The following NECTIN3 variants were observed in gnomAD, a reference collection of about 807,000 sequenced individuals.
The protein encoded by NECTIN3 is nectin-3.
NECTIN3 carries 8 observed loss-of-function variants against 49.4 expected under a neutral mutation model. The ratio of observed to expected loss-of-function variants is 0.16; its 90% CI spans 0.10 to 0.29. NECTIN3 has a LOEUF of 0.29. Among genes scored for constraint, NECTIN3 ranks in the 10% least tolerant of loss-of-function variants. NECTIN3 has a pLI of 1.00. For missense variants in NECTIN3, 581 were observed against 654.6 expected (o/e 0.89, Z 1.23); for synonymous variants, 277 against 241.1 (o/e 1.15, Z -1.38).
At chr3:111,085,915 A>G (rs971226950) in intron 1 of NECTIN3, among the ~76,000 whole-genome samples, 1 of 152,212 alleles carries the variant, frequency 6.6e-6, no homozygotes, top group African/African-American at 2.4e-5. Flanking sequence ...GCTTATAACA[A>G]TTCATACTCC....
exon 6 of NECTIN3, chr3:111,145,011 A>C: frequency 1.3e-6 from 2 of 1,536,522 alleles, no homozygotes; most frequent in South Asian, 2.4e-5. Context: ...CTCCTCGAAA[A>C]AAAAGACCAT....
chr3:111,154,943 A>G (rs2035068189), intron 7 of NECTIN3, among the ~76,000 whole-genome samples: 1 of 152,006 alleles, frequency 6.6e-6, no homozygotes, highest in African/African-American at 2.4e-5. Flanking sequence ...TCTCTTTAAC[A>G]GTGACTTTTT....
chr3:111,166,567 CT>C (rs2035323354), intron 7 of NECTIN3, among the ~76,000 whole-genome samples: 1 of 152,166 alleles, frequency 6.6e-6, no homozygotes, highest in South Asian at 2.1e-4. Context: ...AAATGACTTT[CT>C]TATATTATCC....
rs939840570 is a variant in NECTIN3 at position 111,112,100 on chromosome 3, G to A, written c.231G>A (p.Lys77=). 3 of 1,613,710 alleles carry A rather than the reference G, an allele frequency of 1.9e-6. No homozygotes were observed. Among genetic ancestry groups the A allele is most frequent in the Non-Finnish European group, 2.5e-6 (3 of 1,179,788 alleles). The change falls in exon 2 of 6, where the codon AAG becomes AAA. Residue 77 remains lysine, a synonymous_variant. Coordinates refer to ENST00000485303, the MANE Select transcript of NECTIN3 (RefSeq NM_015480.3). ...TATGGGGAAAGAATGTTTCATTAAA[G>A]TGTTTAATTGAAGTAAATGAAACCA... is the stretch of plus-strand genomic sequence containing the variant. ...TAVWGKNVSL[K]CLIEVNETIT...
chr3:111,124,064 A>ATATC (rs1420434668), intron 4 of NECTIN3, among the ~76,000 whole-genome samples: 1 of 152,126 alleles, frequency 6.6e-6, no homozygotes, highest in Non-Finnish European at 1.5e-5. Context: ...AGGAAGCACT[A>ATATC]TATCTGGTCA....
At chr3:111,100,953 C>A (rs945790695) in intron 1 of NECTIN3, among the ~76,000 whole-genome samples, 11 of 152,016 alleles carry the variant, frequency 7.2e-5, no homozygotes, top group Non-Finnish European at 1.3e-4. Context: ...TATAGATTTT[C>A]TTTCTATAAA....
At chr3:111,094,787 G>C (rs187940110) in intron 1 of NECTIN3, among the ~76,000 whole-genome samples, 1 of 152,292 alleles carries the variant, frequency 6.6e-6, no homozygotes, top group Admixed American at 6.5e-5. Context: ...CTGATCATGA[G>C]AGTACTCCCT....
rs372254132 is a variant in NECTIN3 at position 111,135,549 on chromosome 3, G to C, written c.*1334G>C. ...AAATTATTGTGACAACTATTTTGAA[G>C]CTGAAAGGATAGTTTTTCTATTGCT... is the stretch of plus-strand genomic sequence containing the variant. On this transcript the variant is annotated 3_prime_UTR_variant, in exon 6 of 6. Coordinates refer to ENST00000485303, the MANE Select transcript of NECTIN3 (RefSeq NM_015480.3). 14 of 981,654 alleles carry C rather than the reference G, an allele frequency of 1.4e-5. No homozygotes were observed. In the African/African-American group the frequency reaches 1.9e-4, roughly 13 times the overall value. 60.8% of individuals were successfully genotyped at this position (981,654 alleles called of 1,614,324 possible). A position where few individuals can be genotyped will look rare whatever the true frequency, so the allele number is the denominator to read the frequency against.
chr3:111,146,413 G>A (rs2034877835), intron 6 of NECTIN3, among the ~76,000 whole-genome samples: 2 of 140,248 alleles, frequency 1.4e-5, no homozygotes, highest in Admixed American at 7.4e-5. Flanking sequence ...CAGCCTGGGC[G>A]ACAGAGCGAG....
chr3:111,172,850 A>G (rs1008523669), intron 7 of NECTIN3, among the ~76,000 whole-genome samples: 3 of 152,166 alleles, frequency 2.0e-5, no homozygotes, highest in Non-Finnish European at 4.4e-5. Context: ...TTTGTGTTCT[A>G]CCCTATATTA....
In NECTIN3 at chr3:111,130,030, A is replaced by G. The variant is rs533175558; in HGVS notation, c.1070-3605A>G. Among the ~76,000 whole-genome samples the G allele has an allele frequency of 3.3e-3, 477 of 145,696 alleles. 1 individual carries two copies. The highest frequency in any genetic ancestry group is 0.012 in the African/African-American group (454 of 38,796). ...GAGTGCAGTGGAGCGATCTTGGCTC[A>G]CTGCAGGCTCCGCCTCCCGGGTTCA... On this transcript the variant is annotated intron_variant, in intron 5 of 5. Transcript: ENST00000485303.
chr3:111,184,705 T>C (rs2035688490), intron 7 of NECTIN3, among the ~76,000 whole-genome samples: 1 of 152,260 alleles, frequency 6.6e-6, no homozygotes, highest in African/African-American at 2.4e-5. Context: ...TACATTTTAA[T>C]TGAATGCTGG....
intron 1 of NECTIN3, chr3:111,075,071 G>A (rs1422814858): frequency 6.6e-6 from 1 of 152,042 alleles, no homozygotes; most frequent in Non-Finnish European, 1.5e-5. Context: ...ACTTTTAAAA[G>A]CACTTTGACT....
At chr3:111,193,123 ATTC>A (rs1261468978) in intron 1 of NECTIN3, 14 of 1,295,880 alleles carry the variant, frequency 1.1e-5, no homozygotes. Context: ...AGTGAATTCT[ATTC>A]TTGCCTGTTT....
chr3:111,115,138 C>T (rs1438933704), intron 2 of NECTIN3, among the ~76,000 whole-genome samples: 3 of 152,200 alleles, frequency 2.0e-5, no homozygotes, highest in Non-Finnish European at 4.4e-5. Flanking sequence ...TAGCATTCCT[C>T]AGTTGTTAAA....
At chr3:111,116,771 A>G (rs2070501158) in intron 2 of NECTIN3, among the ~76,000 whole-genome samples, 1 of 152,086 alleles carries the variant, frequency 6.6e-6, no homozygotes, top group Non-Finnish European at 1.5e-5. Context: ...ATAATCTGAG[A>G]TATTAAAAAT....
intron 1 of NECTIN3, among the ~76,000 whole-genome samples, chr3:111,101,622 A>G (rs2032912509): frequency 6.6e-6 from 1 of 152,162 alleles, no homozygotes; most frequent in Admixed American, 6.6e-5. Flanking sequence ...TTCTGCAGTG[A>G]TGCAAATATA....
chr3:111,139,374 G>A (rs557937569), downstream of NECTIN3, among the ~76,000 whole-genome samples: 361 of 151,720 alleles, frequency 2.4e-3, 1 homozygote, highest in Non-Finnish European at 4.2e-3. Flanking sequence ...ATTTCTTAAA[G>A]AAACTGCTTC....
intron 7 of NECTIN3, among the ~76,000 whole-genome samples, chr3:111,179,195 C>A (rs1028853488): frequency 6.6e-6 from 1 of 152,164 alleles, no homozygotes; most frequent in Non-Finnish European, 1.5e-5. Context: ...AATGCTAGAA[C>A]CTCTCCTCCA....
Sources: gnomAD v4.1 joint callset for allele counts (sites outside exome capture counted in the v4.1 genomes callset) on GRCh38, gnomAD v4.1.1 for gene constraint, MANE v1.5 for transcripts, NCBI Gene and HGNC (gene_info 2026-07-23, HGNC 2026-07-21) for gene names.